GAS2L3: variants seen among roughly 807,000 people sequenced by gnomAD.
GAS2L3 encodes growth arrest specific 2 like 3.
In GAS2L3, 28 loss-of-function variants were observed where a neutral mutation model predicts 37.0. The observed-to-expected ratio is 0.76, with a 90% CI of 0.56 to 1.04. The LOEUF is 1.04. Among genes scored for constraint, GAS2L3 ranks in the 50% least tolerant of loss-of-function variants. The pLI, the probability that GAS2L3 is intolerant of heterozygous loss-of-function variation, is 0.00. For synonymous variants in GAS2L3, 290 were observed against 296.6 expected (o/e 0.98, Z 0.23); for missense variants, 793 against 817.6 (o/e 0.97, Z 0.37).
intron 1 of GAS2L3, chr12:100,579,772 T>G (rs1350058466): frequency 1.4e-6 from 1 of 718,642 alleles, no homozygotes; most frequent in Non-Finnish European, 2.5e-6. Context: ...CCGGAAAATC[T>G]TACTATTTTA....
rs138598682 is a variant in GAS2L3 at position 100,598,170 on chromosome 12, C to T, written c.19-2212C>T. Among the ~76,000 whole-genome samples, 1,242 of 152,266 alleles carry T rather than the reference C, an allele frequency of 8.2e-3. 20 individuals carry two copies. Among genetic ancestry groups the T allele is most frequent in the African/African-American group, 0.028 (1,167 of 41,554 alleles). ...AGTCAGAATCAGGATATTAATGCTG[C>T]TTCTGTACTACCATTTAATACGCAG... On this transcript the variant is annotated intron_variant, in intron 3 of 9. Coordinates refer to ENST00000547754, the MANE Select transcript of GAS2L3 (RefSeq NM_174942.3).
chr12:100,601,294 T>C (rs1391950751), intron 4 of GAS2L3, among the ~76,000 whole-genome samples: 3 of 152,148 alleles, frequency 2.0e-5, no homozygotes, highest in South Asian at 2.1e-4. Context: ...GTATTTGTTA[T>C]GGTATTGTCT....
Position 100,594,920 on chromosome 12 carries a change from C to A in GAS2L3, c.16C>A (p.Gln6Lys). Residue 6 changes from glutamine to lysine, a missense_variant and splice_region_variant, in exon 3 of 10, where the codon CAA becomes AAA. Coordinates refer to ENST00000547754, the MANE Select transcript of GAS2L3 (RefSeq NM_174942.3). ...ATAGGTGACTATGCAGCCTGCAATT[C>A]AAGTAAGTTTTTTTCTTGGAAACAA... MQPAI[Q>K]VWFGEDLPLS... 2 of 1,351,344 alleles carry A rather than the reference C, an allele frequency of 1.5e-6. No individual in the cohort carries two copies. The highest frequency in any genetic ancestry group is 1.5e-5 in the South Asian group (1 of 68,204). The allele number at this position is 1,351,344 out of a possible 1,614,324, so 83.7% of individuals were successfully genotyped here. A position where few individuals can be genotyped will look rare whatever the true frequency, so the allele number is the denominator to read the frequency against.
chr12:100,597,698 T>G (rs1159777916), intron 3 of GAS2L3, among the ~76,000 whole-genome samples: 1 of 152,030 alleles, frequency 6.6e-6, no homozygotes, highest in Non-Finnish European at 1.5e-5. Flanking sequence ...TTTCTTTGTT[T>G]GCCTTGGGGT....
At chr12:100,617,895 T>TAA (rs150008707) in intron 7 of GAS2L3, 88 bp downstream of exon 7, 3 of 739,864 alleles carry the variant, frequency 4.1e-6, no homozygotes, top group South Asian at 3.5e-5. Flanking sequence ...TTTCTATAAA[T>TAA]AAAAAAATGC....
chr12:100,624,139 A>G lies in GAS2L3; in HGVS notation c.1334A>G (p.Lys445Arg). ...TCATCCCCCAATACCCCCAAGGCCA[A>G]GGTTATTCCAGCCCAGAATTCAGCA... ...CISSPNTPKA[K>R]VIPAQNSADL... The change falls in exon 10 of 10, where the codon AAG becomes AGG. Residue 445 changes from lysine to arginine, a missense_variant. Coordinates refer to ENST00000547754, the MANE Select transcript of GAS2L3 (RefSeq NM_174942.3). 1.9e-6 allele frequency: 3 copies of G among 1,613,990 alleles called. No homozygotes were observed. Among genetic ancestry groups the G allele is most frequent in the South Asian group, 1.1e-5 (1 of 91,050 alleles).
intron 8 of GAS2L3, among the ~76,000 whole-genome samples, chr12:100,619,962 A>G (rs1956233580): frequency 6.6e-6 from 1 of 152,156 alleles, no homozygotes. Context: ...CACTAGCAAG[A>G]TTTTTTAAAA....
chr12:100,612,426 T>A (rs534532936), intron 6 of GAS2L3: 1 of 259,992 alleles, frequency 3.8e-6, no homozygotes, highest in East Asian at 1.0e-4. Context: ...GTAATTGATA[T>A]TTTCATTAAG....
intron 1 of GAS2L3, among the ~76,000 whole-genome samples, chr12:100,586,050 T>A (rs1955777545): frequency 6.6e-6 from 1 of 152,216 alleles, no homozygotes; most frequent in African/African-American, 2.4e-5. Context: ...CCTTTAAAAC[T>A]GTGAATTAGA....
At chr12:100,607,845 G>A (rs1956075716) in intron 5 of GAS2L3, among the ~76,000 whole-genome samples, 1 of 152,120 alleles carries the variant, frequency 6.6e-6, no homozygotes, top group African/African-American at 2.4e-5. Flanking sequence ...ATTTATTTGA[G>A]TTTCCAAAAC....
chr12:100,615,518 A>T (rs1044378744), intron 6 of GAS2L3, among the ~76,000 whole-genome samples: 45 of 150,798 alleles, frequency 3.0e-4, no homozygotes, highest in African/African-American at 1.0e-3. Context: ...TAATTTATCT[A>T]TTTTTCTTTT....
At chr12:100,587,303 A>G (rs1348719705) in intron 1 of GAS2L3, among the ~76,000 whole-genome samples, 4 of 152,240 alleles carry the variant, frequency 2.6e-5, no homozygotes, top group African/African-American at 9.6e-5. Context: ...AATATCCTTG[A>G]TGAACATAGA....
At position 100,594,894 on chromosome 12, in the gene GAS2L3, T is replaced by TA; in HGVS notation, c.-10dup. ...TTTCAGAAAAGAAATTTCATTTCAA[T>TA]ATAGGTGACTATGCAGCCTGCAATT... On this transcript the variant is annotated 5_prime_UTR_variant, in exon 3 of 10. The change abolishes the stop of an existing upstream ORF in the 5' untranslated region. Transcript: ENST00000547754. 7.5e-7 allele frequency: 1 copy of TA among 1,338,876 alleles called. No homozygotes were observed. The highest frequency in any genetic ancestry group is 1.0e-6 in the Non-Finnish European group (1 of 987,024). The allele number at this position is 1,338,876 out of a possible 1,614,324, so 82.9% of individuals were successfully genotyped here.
intron 6 of GAS2L3, among the ~76,000 whole-genome samples, chr12:100,613,849 C>T (rs1956156179): frequency 6.6e-6 from 1 of 152,234 alleles, no homozygotes; most frequent in East Asian, 1.9e-4. Context: ...CAGCCTAAGC[C>T]TCCCAAAGTG....
At chr12:100,588,580 A>G (rs747908878) in intron 1 of GAS2L3, among the ~76,000 whole-genome samples, 3 of 152,164 alleles carry the variant, frequency 2.0e-5, no homozygotes, top group Non-Finnish European at 4.4e-5. Context: ...TTAACAGAAA[A>G]CAGGGTTTGA....
chr12:100,593,522 G>C (rs922201263), intron 2 of GAS2L3: 1 of 152,086 alleles, frequency 6.6e-6, no homozygotes, highest in African/African-American at 2.4e-5. Flanking sequence ...GCTTCTTTGT[G>C]AATGTGTCAC....
Position 100,624,174 on chromosome 12 carries a change from G to A in GAS2L3, c.1369G>A (p.Glu457Lys), listed in dbSNP as rs201675548. Residue 457 changes from glutamate to lysine, a missense_variant, in exon 10 of 10, where the codon GAG (glutamate) becomes AAG (lysine). Coordinates refer to ENST00000547754, the MANE Select transcript of GAS2L3 (RefSeq NM_174942.3). ...IPAQNSADLPESTLLPNKCSG... is the reference protein window; with the variant it reads ...IPAQNSADLPKSTLLPNKCSG... ...AGCCCAGAATTCAGCAGATCTGCCCGAGTCCACACTTTTGCCAAATAAGTG... is the reference window on the plus strand; with the variant it reads ...AGCCCAGAATTCAGCAGATCTGCCCAAGTCCACACTTTTGCCAAATAAGTG... 15 of 1,611,714 alleles carry A rather than the reference G, an allele frequency of 9.3e-6. No homozygotes were observed. The highest frequency in any genetic ancestry group is 5.4e-5 in the African/African-American group (4 of 74,078).
chr12:100,581,522 A>G (rs931671824), intron 1 of GAS2L3, among the ~76,000 whole-genome samples: 2 of 152,272 alleles, frequency 1.3e-5, no homozygotes, highest in Non-Finnish European at 2.9e-5. Context: ...AAATTCACAA[A>G]ACTTACTACT....
At chr12:100,595,106 G>A (rs1280738007) in intron 3 of GAS2L3, among the ~76,000 whole-genome samples, 184 bp downstream of exon 3, 1 of 151,598 alleles carries the variant, frequency 6.6e-6, no homozygotes, top group East Asian at 1.9e-4. Flanking sequence ...CTAAGCTTTT[G>A]TTTATACTGA....
Sources: allele counts gnomAD v4.1 joint callset (sites outside exome capture counted in the v4.1 genomes callset), GRCh38; gene constraint gnomAD v4.1.1; transcripts MANE v1.5; gene names NCBI Gene and HGNC (gene_info 2026-07-23, HGNC 2026-07-21).